Variants in WDR37 observed in about 807,000 individuals in gnomAD.
WDR37 encodes WD repeat-containing protein 37.
WDR37 carries 19 observed loss-of-function variants against 62.9 expected under a neutral mutation model. The observed-to-expected ratio is 0.30, with a 90% CI of 0.21 to 0.44. The LOEUF (loss-of-function observed/expected upper bound fraction) is 0.44, where lower values mean the gene tolerates loss of function less well. Ranked by LOEUF, WDR37 falls within the 20% of genes least tolerant of loss-of-function variation. The pLI is 1.00. For synonymous variants in WDR37, 250 were observed against 260.9 expected (o/e 0.96, Z 0.40); for missense variants, 474 against 657.6 (o/e 0.72, Z 3.05).
chr10:1,115,033 T>G (rs1835344952), intron 11 of WDR37, among the ~76,000 whole-genome samples: 1 of 151,660 alleles, frequency 6.6e-6, no homozygotes, highest in Admixed American at 6.6e-5. Flanking sequence ...CTTTTTTGTT[T>G]TTTTTTTTTT....
intron 9 of WDR37, among the ~76,000 whole-genome samples, chr10:1,101,530 G>A (rs914583784): frequency 7.2e-5 from 11 of 152,124 alleles, no homozygotes; most frequent in African/African-American, 9.7e-5. Flanking sequence ...TGAGGACTTC[G>A]ACACAGGAAT....
At chr10:1,126,703 TGCAG>T (rs1835794595) in intron 13 of WDR37, among the ~76,000 whole-genome samples, 1 of 152,212 alleles carries the variant, frequency 6.6e-6, no homozygotes, top group Non-Finnish European at 1.5e-5. Flanking sequence ...CCTCAGAACC[TGCAG>T]GCAGGCCGGG....
chr10:1,097,308 C>A lies in WDR37; in HGVS notation c.726+1062C>A, dbSNP rs535641456. Among the ~76,000 whole-genome samples, 31 of 152,224 alleles carry A rather than the reference C, an allele frequency of 2.0e-4. No individual in the cohort carries two copies. The Middle Eastern group carries it at 0.01, about 50-fold the overall frequency. On this transcript the variant is annotated intron_variant, in intron 9 of 13. Coordinates refer to ENST00000263150, the MANE Select transcript of WDR37 (RefSeq NM_014023.4). ...TGGGTGGGAGCCACAGCTTTAAGCACCCACCGCAGCAGGATCCAGGACTGG... is the reference window on the plus strand; with the variant it reads ...TGGGTGGGAGCCACAGCTTTAAGCAACCACCGCAGCAGGATCCAGGACTGG...
intron 3 of WDR37, among the ~76,000 whole-genome samples, chr10:1,078,780 G>A (rs1053267374): frequency 6.6e-6 from 1 of 152,210 alleles, no homozygotes; most frequent in Admixed American, 6.5e-5. Context: ...CTCCCAAAGT[G>A]CTGGGATTAT....
At chr10:1,065,292 G>A (rs1833500758) in intron 1 of WDR37, among the ~76,000 whole-genome samples, 1 of 152,134 alleles carries the variant, frequency 6.6e-6, no homozygotes, top group Admixed American at 6.6e-5. Flanking sequence ...AGTAAGATTT[G>A]TATACTTTAT....
intron 9 of WDR37, among the ~76,000 whole-genome samples, chr10:1,102,228 C>T (rs7910862): frequency 0.25 from 17,151 of 67,828 alleles, 1,281 homozygotes; most frequent in East Asian, 0.47. Context: ...TGCGTCCCTG[C>T]GACGTGCGAT....
At chr10:1,092,008 G>T (rs369352225) in intron 7 of WDR37, among the ~76,000 whole-genome samples, 1 of 150,832 alleles carries the variant, frequency 6.6e-6, no homozygotes, top group Non-Finnish European at 1.5e-5. Flanking sequence ...GTGAAACCCC[G>T]TTTCTACTAA....
chr10:1,099,213 T>C (rs1834705887), intron 9 of WDR37, among the ~76,000 whole-genome samples: 1 of 152,226 alleles, frequency 6.6e-6, no homozygotes, highest in Non-Finnish European at 1.5e-5. Flanking sequence ...AATGTTTCTC[T>C]GAGAGCAGTT....
Position 1,102,679 on chromosome 10 carries a change from C to T in WDR37, c.727-923C>T, listed in dbSNP as rs149876336. Among the ~76,000 whole-genome samples the T allele has an allele frequency of 2.3e-3, 343 of 152,334 alleles. 11 individuals are homozygous for T. In the East Asian group the frequency reaches 0.057, roughly 25 times the overall value. ...CATCAGGCTATGAGGAATCCTCCCC[C>T]ATGAGCCAGACACCCCCACCAGGCC... is the stretch of plus-strand genomic sequence containing the variant. On this transcript the variant is annotated intron_variant, in intron 9 of 13. Transcript: ENST00000263150.
intron 11 of WDR37, among the ~76,000 whole-genome samples, chr10:1,108,595 C>A (rs1835097875): frequency 6.6e-6 from 1 of 152,206 alleles, no homozygotes. Flanking sequence ...TACGCTGAGT[C>A]CTGCAGAAGG....
At chr10:1,061,991 C>T (rs1343245379) in intron 1 of WDR37, among the ~76,000 whole-genome samples, 1 of 151,356 alleles carries the variant, frequency 6.6e-6, no homozygotes, top group Non-Finnish European at 1.5e-5. Flanking sequence ...TTCTGAAACA[C>T]TTCTGGTCTT....
chr10:1,115,502 G>A (rs1835363190), intron 11 of WDR37, among the ~76,000 whole-genome samples: 1 of 152,182 alleles, frequency 6.6e-6, no homozygotes, highest in Admixed American at 6.5e-5. Context: ...TGCAGCTTGT[G>A]TCATGGTGTT....
At position 1,131,732 on chromosome 10, in the gene WDR37, T is replaced by G. The variant is rs1386886641; in HGVS notation, c.*2388T>G. 6.6e-6 allele frequency: 1 copy of G among 150,878 alleles called. No homozygotes were observed. The highest frequency in any genetic ancestry group is 1.5e-5 in the Non-Finnish European group (1 of 67,482). The allele number at this position is 150,878 out of a possible 1,614,324, so 9.3% of individuals were successfully genotyped here. A position where few individuals can be genotyped will look rare whatever the true frequency, so the allele number is the denominator to read the frequency against. On this transcript the variant is annotated 3_prime_UTR_variant, in exon 14 of 14. Transcript: ENST00000263150. ...TGTGTGCACGTGTGTGTGGCTAAATTAAGTCATACTGTCAACCACACGTGA... is the reference window on the plus strand; with the variant it reads ...TGTGTGCACGTGTGTGTGGCTAAATGAAGTCATACTGTCAACCACACGTGA...
intron 13 of WDR37, among the ~76,000 whole-genome samples, chr10:1,126,256 A>C (rs941206142): frequency 3.3e-5 from 5 of 151,834 alleles, no homozygotes; most frequent in African/African-American, 1.2e-4. Flanking sequence ...ATACAAAAAA[A>C]TCAGCCAGGC....
At chr10:1,095,371 C>T (rs1423369197) in intron 8 of WDR37, among the ~76,000 whole-genome samples, 1 of 134,510 alleles carries the variant, frequency 7.4e-6, no homozygotes, top group East Asian at 2.4e-4. Flanking sequence ...CGTGAGGTAA[C>T]AGGCATGGAG....
intron 9 of WDR37, among the ~76,000 whole-genome samples, chr10:1,102,558 G>A (rs1834859464): frequency 6.6e-6 from 1 of 151,572 alleles, no homozygotes; most frequent in Admixed American, 6.6e-5. Context: ...GGGAGAAGGC[G>A]TCATGTGATG....
chr10:1,063,714 G>A (rs1256733177), intron 1 of WDR37, among the ~76,000 whole-genome samples: 1 of 152,190 alleles, frequency 6.6e-6, no homozygotes, highest in Non-Finnish European at 1.5e-5. Flanking sequence ...TGGTGTGGGG[G>A]AGACTGTATA....
chr10:1,096,779 A>G (rs1466651207), intron 9 of WDR37, among the ~76,000 whole-genome samples: 2 of 152,196 alleles, frequency 1.3e-5, no homozygotes, highest in Non-Finnish European at 2.9e-5. Flanking sequence ...AGACGTTTTC[A>G]GGGACCTGCT....
intron 5 of WDR37, among the ~76,000 whole-genome samples, chr10:1,082,550 G>A (rs933434814): frequency 2.6e-5 from 4 of 152,212 alleles, no homozygotes; most frequent in Non-Finnish European, 5.9e-5. Flanking sequence ...GATGATGGGC[G>A]TGAGCGTCAG....
Sources: gnomAD v4.1 joint callset for allele counts (sites outside exome capture counted in the v4.1 genomes callset) on GRCh38, gnomAD v4.1.1 for gene constraint, MANE v1.5 for transcripts, NCBI Gene and HGNC (gene_info 2026-07-23, HGNC 2026-07-21) for gene names.